The following ZFAT variants were observed in gnomAD, a reference collection of about 807,000 sequenced individuals.
ZFAT encodes the protein zinc finger and AT-hook domain containing.
A neutral mutation model predicts 117.7 loss-of-function variants in ZFAT; 64 were observed. The ratio of observed to expected loss-of-function variants is 0.54; its 90% CI spans 0.44 to 0.67. The LOEUF (loss-of-function observed/expected upper bound fraction) is 0.67. Among genes scored for constraint, ZFAT ranks in the 30% least tolerant of loss-of-function variants. The pLI is 0.00. For synonymous variants in ZFAT, 679 were observed against 615.0 expected (o/e 1.10, Z -1.54); for missense variants, 1,433 against 1,584.5 (o/e 0.90, Z 1.62).
chr8:134,551,368 C>T (rs1039526914), intron 11 of ZFAT, among the ~76,000 whole-genome samples: 18 of 152,146 alleles, frequency 1.2e-4, no homozygotes, highest in African/African-American at 4.1e-4. Flanking sequence ...TAAGGTAATA[C>T]ACAGAAAACA....
intron 12 of ZFAT, among the ~76,000 whole-genome samples, chr8:134,524,183 C>G (rs1267502609): frequency 6.6e-6 from 1 of 152,170 alleles, no homozygotes; most frequent in Admixed American, 6.5e-5. Flanking sequence ...CACATCTGTC[C>G]CCTCACCAAA....
chr8:134,827,755 G>A, the ZFAT span, among the ~76,000 whole-genome samples: 5 of 144,366 alleles, frequency 3.5e-5, no homozygotes, highest in African/African-American at 1.0e-4. Flanking sequence ...GTGACAGAGT[G>A]AGACTCTGTC....
chr8:134,537,189 C>T (rs1340451159), intron 11 of ZFAT, among the ~76,000 whole-genome samples: 1 of 152,126 alleles, frequency 6.6e-6, no homozygotes, highest in Non-Finnish European at 1.5e-5. Flanking sequence ...AATTATTATC[C>T]TCATTTTTAC....
intron 2 of ZFAT, among the ~76,000 whole-genome samples, chr8:134,652,200 G>A (rs1015899330): frequency 1.3e-5 from 2 of 152,160 alleles, no homozygotes; most frequent in Non-Finnish European, 2.9e-5. Flanking sequence ...CCAGGAGGTG[G>A]AGGTAGCAGT....
chr8:134,593,167 G>A lies in ZFAT; in HGVS notation c.2476-2812C>T, dbSNP rs544036579. 3.9e-5 allele frequency among the ~76,000 whole-genome samples: 6 copies of A among 152,318 alleles called. No homozygotes were observed. In the South Asian group the frequency reaches 1.0e-3, roughly 26 times the overall value. On this transcript the variant is annotated intron_variant, in intron 7 of 15. Coordinates refer to ENST00000377838, the MANE Select transcript of ZFAT (RefSeq NM_020863.4). Reference sequence around the variant, plus strand: ...CGGTGCCCGCATCATCAGAGTTGATGGAGGCATTCAGAAGGGCTTTGCAGG... The same window carrying A: ...CGGTGCCCGCATCATCAGAGTTGATAGAGGCATTCAGAAGGGCTTTGCAGG...
intron 11 of ZFAT, among the ~76,000 whole-genome samples, chr8:134,546,372 G>A (rs541397958): frequency 1.6e-4 from 24 of 152,282 alleles, no homozygotes; most frequent in Middle Eastern, 6.8e-3. Flanking sequence ...GAGGAAATGC[G>A]ACAGGAAGAT....
chr8:134,486,913 G>T (rs776053311), intron 15 of ZFAT, among the ~76,000 whole-genome samples: 3 of 152,162 alleles, frequency 2.0e-5, no homozygotes, highest in Non-Finnish European at 4.4e-5. Context: ...CCTGTGTGCA[G>T]GAACATGGGT....
At chr8:134,767,761 T>TA in the ZFAT span, among the ~76,000 whole-genome samples, 6 of 152,262 alleles carry the variant, frequency 3.9e-5, no homozygotes, top group Non-Finnish European at 8.8e-5. Flanking sequence ...TTTGTGCCTT[T>TA]AAAATGTTCT....
At chr8:134,740,354 G>A in the ZFAT span, among the ~76,000 whole-genome samples, 3 of 152,212 alleles carry the variant, frequency 2.0e-5, no homozygotes, top group African/African-American at 7.2e-5. Flanking sequence ...AATGGAAGGT[G>A]AAAGTGAACT....
intron 1 of ZFAT, among the ~76,000 whole-genome samples, chr8:134,677,589 T>A (rs1477372779): frequency 1.3e-5 from 2 of 152,126 alleles, no homozygotes; most frequent in Non-Finnish European, 2.9e-5. Context: ...CCTAACTCAT[T>A]TTATGAGGCC....
chr8:134,800,455 T>G, the ZFAT span: 1 of 450,676 alleles, frequency 2.2e-6, no homozygotes, highest in East Asian at 7.0e-5. Flanking sequence ...ATTAATTACA[T>G]TAAAAATTCA....
intron 15 of ZFAT, among the ~76,000 whole-genome samples, chr8:134,503,739 G>C (rs1053029826): frequency 1.3e-5 from 2 of 152,098 alleles, no homozygotes; most frequent in Non-Finnish European, 1.5e-5. Flanking sequence ...CAGGACACTG[G>C]TTTTTCCTGC....
chr8:134,822,637 G>A, the ZFAT span, among the ~76,000 whole-genome samples: 1 of 152,128 alleles, frequency 6.6e-6, no homozygotes, highest in Non-Finnish European at 1.5e-5. Context: ...AGGTGGGCTA[G>A]AAGGACAGAT....
intron 2 of ZFAT, among the ~76,000 whole-genome samples, chr8:134,648,991 G>T (rs1479108326): frequency 6.6e-6 from 1 of 150,704 alleles, no homozygotes; most frequent in African/African-American, 2.4e-5. Context: ...AAACATCAGT[G>T]TAATATACCA....
rs57041885 is a variant in ZFAT, at chr8:134,566,393, C to CAAAAAAA, written c.2888-979_2888-973dup. Among the ~76,000 whole-genome samples the CAAAAAAA allele has an allele frequency of 1.4e-4, 11 of 77,282 alleles. 1 individual carries two copies. The highest frequency in any genetic ancestry group is 1.3e-3 in the East Asian group (2 of 1,514). The allele number at this position is 77,282 out of a possible 152,430, so 50.7% of individuals were successfully genotyped here. A position where few individuals can be genotyped will look rare whatever the true frequency, so the allele number is the denominator to read the frequency against. ...TGGGCGACAGAGCAAGACTCCAACT[C>CAAAAAAA]AAAAAAAAAAAAAAAAAGATTAAGG... On this transcript the variant is annotated intron_variant, in intron 10 of 15. Coordinates refer to ENST00000377838, the MANE Select transcript of ZFAT (RefSeq NM_020863.4).
In ZFAT at chr8:134,590,379, A is replaced by C. The variant is rs375733942; in HGVS notation, c.2476-24T>G. 1.2e-5 allele frequency: 19 copies of C among 1,568,476 alleles called. No individual in the cohort carries two copies. The African/African-American group carries it at 2.4e-4, about 20-fold the overall frequency. ...TCCTTAATAGAAAGAGAACATAATC[A>C]GTTGACTTTCTCATTTAAATCTGTG... On this transcript the variant is annotated intron_variant, in intron 7 of 15. Coordinates refer to ENST00000377838, the MANE Select transcript of ZFAT (RefSeq NM_020863.4).
At chr8:134,788,073 C>A in the ZFAT span, among the ~76,000 whole-genome samples, 22 of 152,116 alleles carry the variant, frequency 1.4e-4, no homozygotes, top group African/African-American at 5.1e-4. Flanking sequence ...GCTAATATCT[C>A]AAATATGTTA....
intron 15 of ZFAT, among the ~76,000 whole-genome samples, chr8:134,490,628 T>C (rs1012094318): frequency 1.3e-5 from 2 of 152,192 alleles, no homozygotes; most frequent in Non-Finnish European, 2.9e-5. Context: ...CGGGCTGCTG[T>C]CTGGAATTGA....
At chr8:134,528,353 C>T (rs1821164982) in intron 12 of ZFAT, among the ~76,000 whole-genome samples, 1 of 152,214 alleles carries the variant, frequency 6.6e-6, no homozygotes, top group East Asian at 1.9e-4. Flanking sequence ...CATTATATCA[C>T]ATCACTAGAA....
Sources: allele counts gnomAD v4.1 joint callset (sites outside exome capture counted in the v4.1 genomes callset), GRCh38; gene constraint gnomAD v4.1.1; transcripts MANE v1.5; gene names NCBI Gene and HGNC (gene_info 2026-07-23, HGNC 2026-07-21).